Variants in AQP9 observed in about 807,000 individuals in gnomAD.
AQP9 encodes aquaporin 9.
In AQP9, 19 loss-of-function variants were observed where a neutral mutation model predicts 23.8. The ratio of observed to expected loss-of-function variants is 0.80; its 90% CI spans 0.56 to 1.17. AQP9 has a LOEUF of 1.17. AQP9 is among the 50% of genes most tolerant of loss of function. The pLI, the probability that AQP9 is intolerant of heterozygous loss-of-function variation, is 0.00. For synonymous variants in AQP9, 153 were observed against 131.5 expected, an observed-to-expected ratio of 1.16 and a Z score of -1.12; for missense variants, 413 against 362.0, an observed-to-expected ratio of 1.14 and a Z score of -1.14.
intron 1 of AQP9, among the ~76,000 whole-genome samples, chr15:58,142,527 A>G (rs1897969119): frequency 6.6e-6 from 1 of 152,234 alleles, no homozygotes. Context: ...CACCACCTAC[A>G]AACACATTCA....
intron 1 of AQP9, among the ~76,000 whole-genome samples, chr15:58,160,681 TG>T (rs754059677): frequency 1.6e-4 from 24 of 149,014 alleles, no homozygotes; most frequent in East Asian, 1.2e-3. Flanking sequence ...TTTTTGGGGG[TG>T]GGGGGTCGGT....
At chr15:58,139,121 T>C (rs1332732792) in intron 1 of AQP9, among the ~76,000 whole-genome samples, 4 of 152,166 alleles carry the variant, frequency 2.6e-5, no homozygotes, top group African/African-American at 9.7e-5. Flanking sequence ...GCAAGAAACA[T>C]CTCAGTATGA....
chr15:58,140,360 T>C (rs971007263), intron 1 of AQP9, among the ~76,000 whole-genome samples: 5 of 152,254 alleles, frequency 3.3e-5, no homozygotes, highest in Non-Finnish European at 7.3e-5. Context: ...AGGTAGGGGC[T>C]AAATAAAGAA....
chr15:58,173,180 T>C lies in AQP9; in HGVS notation c.351T>C (p.Ala117=). The C allele has an allele frequency of 1.2e-6, 2 of 1,614,196 alleles. No individual in the cohort carries two copies. The highest frequency in any genetic ancestry group is 1.7e-5 in the Admixed American group (1 of 60,028). The change falls in exon 3 of 6, where the codon GCT becomes GCC. Residue 117 remains alanine, a synonymous_variant. Coordinates refer to ENST00000219919, the MANE Select transcript of AQP9 (RefSeq NM_020980.5). ...AGTTCTTGGGAGCCTTTGTGGGGGC[T>C]GCAACCGTCTTTGGCATTTACTATG... The part of the protein sequence containing the change: ...GAQFLGAFVG[A]ATVFGIYYDG...
At chr15:58,155,060 G>A (rs772407578) in intron 1 of AQP9, 1 of 152,076 alleles carries the variant, frequency 6.6e-6, no homozygotes, top group Non-Finnish European at 1.5e-5. Context: ...TGAAACTTTG[G>A]CTCACTTATT....
At chr15:58,146,565 G>C (rs763785168) in intron 1 of AQP9, among the ~76,000 whole-genome samples, 3 of 152,056 alleles carry the variant, frequency 2.0e-5, no homozygotes, top group Non-Finnish European at 2.9e-5. Context: ...CGAGTTGCGG[G>C]GGAGTGAATC....
At chr15:58,172,928 C>A (rs776063972) in intron 2 of AQP9, 140 bp from the exon 3 acceptor site, 19 of 993,978 alleles carry the variant, frequency 1.9e-5, no homozygotes, top group Non-Finnish European at 2.7e-5. Flanking sequence ...CTCTCTTTCA[C>A]GTGCATACAC....
In AQP9 at chr15:58,176,096, GA is replaced by G. The variant is rs1163042412; in HGVS notation, c.495+1061del. On this transcript the variant is annotated intron_variant, in intron 4 of 5. Transcript: ENST00000219919. The stretch of plus-strand genomic sequence containing the variant: ...TTCACTTGTAAAATGGGGATAATAT[GA>G]GCCTTCATGAAGTTACTTATGAGGA... 3.9e-5 allele frequency among the ~76,000 whole-genome samples: 6 copies of G among 152,302 alleles called. No homozygotes were observed. In the Middle Eastern group the frequency reaches 0.01, roughly 259 times the overall value.
rs373389367 is a variant in AQP9, at chr15:58,185,902, G to A, written c.*1767G>A. The A allele has an allele frequency of 5.3e-5, 8 of 152,122 alleles. No homozygotes were observed. The highest frequency in any genetic ancestry group is 1.9e-4 in the African/African-American group (8 of 41,412). The allele number at this position is 152,122 out of a possible 1,614,324, so 9.4% of individuals were successfully genotyped here. A position where few individuals can be genotyped will look rare whatever the true frequency, so the allele number is the denominator to read the frequency against. Reference sequence around the variant, plus strand: ...TTCCTATTTGAAATAAAATTGTTCGGTCATTGTTGGTTGCTTGGTTGGTTT... The same window carrying A: ...TTCCTATTTGAAATAAAATTGTTCGATCATTGTTGGTTGCTTGGTTGGTTT... On this transcript the variant is annotated 3_prime_UTR_variant, in exon 6 of 6. Transcript: ENST00000219919.
chr15:58,149,178 G>A (rs1204885866), intron 1 of AQP9, among the ~76,000 whole-genome samples: 1 of 152,174 alleles, frequency 6.6e-6, no homozygotes, highest in African/African-American at 2.4e-5. Context: ...AGCAGCAGTT[G>A]TCACAGGAGG....
chr15:58,141,381 A>T (rs966872980), intron 1 of AQP9, among the ~76,000 whole-genome samples: 3 of 152,170 alleles, frequency 2.0e-5, no homozygotes, highest in Non-Finnish European at 4.4e-5. Flanking sequence ...AGTAGATAAC[A>T]TACTGTGTAG....
intron 4 of AQP9, 97 bp downstream of exon 4, chr15:58,175,133 A>G: frequency 8.7e-7 from 1 of 1,154,618 alleles, no homozygotes; most frequent in Admixed American, 1.9e-5. Context: ...GAAAGGAGAG[A>G]TTATATTTCC....
At chr15:58,174,467 G>A (rs1466911470) in intron 3 of AQP9, among the ~76,000 whole-genome samples, 1 of 152,192 alleles carries the variant, frequency 6.6e-6, no homozygotes, top group Non-Finnish European at 1.5e-5. Context: ...AGCTGTGGCA[G>A]TGGCTGCAAT....
chr15:58,182,323 T>C (rs1172936340), intron 5 of AQP9, among the ~76,000 whole-genome samples: 1 of 152,190 alleles, frequency 6.6e-6, no homozygotes, highest in Non-Finnish European at 1.5e-5. Flanking sequence ...TCCCGAATCA[T>C]AGTGTGCAAA....
intron 1 of AQP9, among the ~76,000 whole-genome samples, chr15:58,164,412 A>C (rs1898453163): frequency 6.6e-6 from 1 of 152,150 alleles, no homozygotes; most frequent in Non-Finnish European, 1.5e-5. Flanking sequence ...ATTTTAGGAG[A>C]TACTACTAAA....
intron 1 of AQP9, among the ~76,000 whole-genome samples, chr15:58,140,517 C>T (rs1486969362): frequency 1.3e-5 from 2 of 152,196 alleles, no homozygotes. Context: ...TTATCATCTT[C>T]AGTTTTGTTG....
chr15:58,181,103 T>C (rs1449633412), intron 5 of AQP9, among the ~76,000 whole-genome samples: 1 of 152,154 alleles, frequency 6.6e-6, no homozygotes, highest in Admixed American at 6.5e-5. Flanking sequence ...GACATGGTGG[T>C]TCCAAAACAG....
At chr15:58,182,327 G>A (rs973893230) in intron 5 of AQP9, among the ~76,000 whole-genome samples, 3 of 152,252 alleles carry the variant, frequency 2.0e-5, no homozygotes, top group Admixed American at 1.3e-4. Context: ...GAATCATAGT[G>A]TGCAAATGAT....
At chr15:58,146,309 A>C (rs1309774662) in intron 1 of AQP9, among the ~76,000 whole-genome samples, 5 of 151,836 alleles carry the variant, frequency 3.3e-5, no homozygotes, top group Non-Finnish European at 7.4e-5. Flanking sequence ...CTCTTAATCC[A>C]TGCTGAATTT....
Sources: allele counts gnomAD v4.1 joint callset (sites outside exome capture counted in the v4.1 genomes callset), GRCh38; gene constraint gnomAD v4.1.1; transcripts MANE v1.5; gene names NCBI Gene and HGNC (gene_info 2026-07-23, HGNC 2026-07-21).